Variants in PCDH9 observed in about 807,000 individuals in gnomAD.
The protein encoded by PCDH9 is protocadherin-9.
PCDH9 carries 24 observed loss-of-function variants against 70.6 expected under a neutral mutation model. The ratio of observed to expected loss-of-function variants is 0.34; its 90% confidence interval spans 0.25 to 0.48. PCDH9 has a LOEUF of 0.48. Among genes scored for constraint, PCDH9 ranks in the 20% least tolerant of loss-of-function variants. The pLI, the probability that PCDH9 is intolerant of heterozygous loss-of-function variation, is 0.99. For missense variants in PCDH9, 1,281 were observed against 1,503.6 expected (o/e 0.85, Z 2.45); for synonymous variants, 562 against 558.5 (o/e 1.01, Z -0.09).
At chr13:66,713,709 C>T (rs2139135667) in intron 3 of PCDH9, among the ~76,000 whole-genome samples, 1 of 147,638 alleles carries the variant, frequency 6.8e-6, no homozygotes, top group South Asian at 2.1e-4. Flanking sequence ...TTGCATGGGT[C>T]AAATAGACAT....
chr13:66,463,357 A>C (rs1416236348), intron 4 of PCDH9, among the ~76,000 whole-genome samples: 1 of 151,870 alleles, frequency 6.6e-6, no homozygotes, highest in Admixed American at 6.6e-5. Flanking sequence ...AGAATGACTT[A>C]GAACACATTG....
intron 2 of PCDH9, among the ~76,000 whole-genome samples, chr13:67,155,212 G>A (rs1210166051): frequency 6.6e-6 from 1 of 152,130 alleles, no homozygotes; most frequent in Non-Finnish European, 1.5e-5. Flanking sequence ...GAATGCAAAC[G>A]GCCAGCAGGC....
chr13:66,846,653 T>A (rs1477034183), intron 3 of PCDH9, among the ~76,000 whole-genome samples: 1 of 152,100 alleles, frequency 6.6e-6, no homozygotes, highest in Non-Finnish European at 1.5e-5. Flanking sequence ...AAAATTATTA[T>A]TCACTGTATT....
At chr13:67,021,653 G>A (rs150965117) in intron 2 of PCDH9, among the ~76,000 whole-genome samples, 6,935 of 151,892 alleles carry the variant, frequency 0.046, 281 homozygotes, top group African/African-American at 0.11. Flanking sequence ...TCCACCTCCC[G>A]GATTCAAGCA....
intron 2 of PCDH9, among the ~76,000 whole-genome samples, chr13:67,099,854 T>G (rs981690548): frequency 6.6e-6 from 1 of 152,184 alleles, no homozygotes; most frequent in Non-Finnish European, 1.5e-5. Context: ...TAAATGTAAG[T>G]TTGACACATT....
chr13:67,162,734 C>T (rs2087996262), intron 2 of PCDH9, among the ~76,000 whole-genome samples: 1 of 151,836 alleles, frequency 6.6e-6, no homozygotes. Context: ...AAAAGGAAAA[C>T]AGATCGAGTA....
chr13:66,304,336 C>T lies in PCDH9; in HGVS notation c.*319G>A, dbSNP rs1057267616. On this transcript the variant is annotated 3_prime_UTR_variant, in exon 5 of 5. Transcript: ENST00000377865. Reference sequence around the variant, plus strand: ...TTTTCAGTCACTCTAATCCATGAAACTTTCTTACTTTCCAAATGCATATTC... The same window carrying T: ...TTTTCAGTCACTCTAATCCATGAAATTTTCTTACTTTCCAAATGCATATTC... The T allele has an allele frequency of 3.5e-5, 5 of 143,906 alleles. No individual in the cohort carries two copies. Among genetic ancestry groups the T allele is most frequent in the Non-Finnish European group, 5.6e-5 (4 of 71,410 alleles). 8.9% of individuals were successfully genotyped at this position (143,906 alleles called of 1,614,324 possible). A position where few individuals can be genotyped will look rare whatever the true frequency, so the allele number is the denominator to read the frequency against.
At chr13:67,099,023 T>C (rs991233993) in intron 2 of PCDH9, among the ~76,000 whole-genome samples, 2 of 152,188 alleles carry the variant, frequency 1.3e-5, no homozygotes, top group African/African-American at 4.8e-5. Flanking sequence ...ACCCTCTGAA[T>C]CAGAATTTTG....
intron 3 of PCDH9, among the ~76,000 whole-genome samples, chr13:66,746,339 ATTTG>A (rs2079363149): frequency 6.6e-6 from 1 of 152,200 alleles, no homozygotes; most frequent in Non-Finnish European, 1.5e-5. Flanking sequence ...CTCTCTCAAT[ATTTG>A]TTTCATTTCA....
intron 2 of PCDH9, chr13:66,978,341 A>G (rs1594339041): frequency 6.6e-6 from 1 of 152,148 alleles, no homozygotes; most frequent in South Asian, 2.1e-4. Context: ...AATACAAAAA[A>G]AAAACAAACA....
chr13:67,088,136 A>AAT (rs2086146469), intron 2 of PCDH9, among the ~76,000 whole-genome samples: 1 of 151,612 alleles, frequency 6.6e-6, no homozygotes, highest in Admixed American at 6.6e-5. Flanking sequence ...TTTACTGCCT[A>AAT]AAGAATAAGA....
At chr13:66,649,793 G>GA (rs1021650994) in intron 3 of PCDH9, among the ~76,000 whole-genome samples, 1 of 151,722 alleles carries the variant, frequency 6.6e-6, no homozygotes, top group Non-Finnish European at 1.5e-5. Context: ...GATATAAATA[G>GA]AAAAAACAAA....
chr13:66,803,043 C>T (rs904667586), intron 3 of PCDH9, among the ~76,000 whole-genome samples: 2 of 151,944 alleles, frequency 1.3e-5, no homozygotes, highest in African/African-American at 4.8e-5. Context: ...TGAAGTATGT[C>T]GGTTTACAAA....
intron 3 of PCDH9, among the ~76,000 whole-genome samples, chr13:66,676,771 C>T (rs916247966): frequency 1.3e-5 from 2 of 152,058 alleles, no homozygotes; most frequent in South Asian, 4.1e-4. Flanking sequence ...AGGAGGTTTT[C>T]ATTCTATAGC....
chr13:66,789,827 T>G (rs1474878592), intron 3 of PCDH9, among the ~76,000 whole-genome samples: 1 of 152,178 alleles, frequency 6.6e-6, no homozygotes, highest in Non-Finnish European at 1.5e-5. Context: ...GCTATATTCT[T>G]GCATCTAGAA....
At chr13:66,725,790 A>G (rs1268564420) in intron 3 of PCDH9, among the ~76,000 whole-genome samples, 3 of 152,224 alleles carry the variant, frequency 2.0e-5, no homozygotes, top group African/African-American at 7.2e-5. Flanking sequence ...GCATTTACAA[A>G]TAGAGGGGGA....
In PCDH9 at chr13:66,304,574, G is replaced by T; in HGVS notation, c.*81C>A. On this transcript the variant is annotated 3_prime_UTR_variant, in exon 5 of 5. Coordinates refer to ENST00000377865, the MANE Select transcript of PCDH9 (RefSeq NM_203487.3). ...CTGCTAGAAGGGGCATAGTTGTAGA[G>T]ATCTATTGAATACATAAAGCTCTGA... The T allele has an allele frequency of 9.2e-7, 1 of 1,084,110 alleles. No homozygotes were observed. Among genetic ancestry groups the T allele is most frequent in the Non-Finnish European group, 1.4e-6 (1 of 725,936 alleles). The allele number at this position is 1,084,110 out of a possible 1,614,324, so 67.2% of individuals were successfully genotyped here. A position where few individuals can be genotyped will look rare whatever the true frequency, so the allele number is the denominator to read the frequency against.
chr13:67,147,488 A>C (rs1486670796), intron 2 of PCDH9, among the ~76,000 whole-genome samples: 2 of 152,166 alleles, frequency 1.3e-5, no homozygotes, highest in East Asian at 3.9e-4. Flanking sequence ...TCTCCTGTTC[A>C]GGCAGCCTGC....
intron 4 of PCDH9, among the ~76,000 whole-genome samples, chr13:66,350,811 A>G (rs917247246): frequency 2.6e-5 from 4 of 152,106 alleles, no homozygotes; most frequent in Non-Finnish European, 5.9e-5. Flanking sequence ...TTCTACATCT[A>G]TGTCTCAAAC....
Sources: allele counts gnomAD v4.1 joint callset (sites outside exome capture counted in the v4.1 genomes callset), GRCh38; gene constraint gnomAD v4.1.1; transcripts MANE v1.5; gene names NCBI Gene and HGNC (gene_info 2026-07-23, HGNC 2026-07-21).